The following DLGAP2 variants were observed in gnomAD, a reference collection of about 807,000 sequenced individuals.
The protein encoded by DLGAP2 is disks large-associated protein 2.
Under a neutral mutation model 100.3 loss-of-function variants are expected in DLGAP2, and 26 were observed. That is an observed-to-expected ratio of 0.26 (90% CI 0.19 to 0.36). The LOEUF (loss-of-function observed/expected upper bound fraction) is 0.36. Ranked by LOEUF, DLGAP2 falls within the 10% of genes least tolerant of loss-of-function variation. The probability of loss-of-function intolerance (pLI) is 1.00; values close to 1 mark genes in which losing one functional copy is unlikely to be tolerated. For synonymous variants in DLGAP2, 886 were observed against 630.1 expected, an observed-to-expected ratio of 1.41 and a Z score of -6.08; for missense variants, 1,858 against 1,453.2, an observed-to-expected ratio of 1.28 and a Z score of -4.53.
chr8:1,346,077 T>C (rs928966570), intron 3 of DLGAP2, among the ~76,000 whole-genome samples: 3 of 152,142 alleles, frequency 2.0e-5, no homozygotes, highest in African/African-American at 7.2e-5. Context: ...TGAGTGGAGG[T>C]TGAGTGCCCG....
chr8:1,075,130 A>G (rs1331785816), intron 2 of DLGAP2, among the ~76,000 whole-genome samples: 1 of 152,212 alleles, frequency 6.6e-6, no homozygotes, highest in Non-Finnish European at 1.5e-5. Flanking sequence ...CCTCAGACTC[A>G]ATGGAGTTCA....
At chr8:1,249,984 G>A (rs1027009829) in intron 2 of DLGAP2, among the ~76,000 whole-genome samples, 18 of 152,270 alleles carry the variant, frequency 1.2e-4, no homozygotes, top group African/African-American at 3.6e-4. Context: ...AGGTTCAAGT[G>A]ATTGTTCTGC....
chr8:1,368,301 G>A (rs763355301), intron 3 of DLGAP2, among the ~76,000 whole-genome samples: 10 of 151,870 alleles, frequency 6.6e-5, no homozygotes, highest in Non-Finnish European at 1.2e-4. Context: ...TTATGTGTAT[G>A]TGCATGTGCA....
At chr8:1,079,590 A>G (rs1289826686) in intron 2 of DLGAP2, among the ~76,000 whole-genome samples, 2 of 152,206 alleles carry the variant, frequency 1.3e-5, no homozygotes, top group Non-Finnish European at 2.9e-5. Flanking sequence ...AATAAGTTCT[A>G]ATGGTCATGT....
At chr8:1,486,447 C>G (rs892314849) in intron 3 of DLGAP2, among the ~76,000 whole-genome samples, 3 of 152,136 alleles carry the variant, frequency 2.0e-5, no homozygotes, top group Admixed American at 6.5e-5. Flanking sequence ...GTGGCACGTG[C>G]GAAGCCTGTC....
At chr8:1,112,183 C>T (rs1413352079) in intron 2 of DLGAP2, among the ~76,000 whole-genome samples, 1 of 149,774 alleles carries the variant, frequency 6.7e-6, no homozygotes, top group Non-Finnish European at 1.5e-5. Flanking sequence ...TTTTCATATG[C>T]TTCTTGGCCA....
intron 2 of DLGAP2, among the ~76,000 whole-genome samples, chr8:1,207,530 C>T (rs570641482): frequency 6.6e-6 from 1 of 152,304 alleles, no homozygotes; most frequent in Non-Finnish European, 1.5e-5. Context: ...AATACACATG[C>T]ATGTGCAAGG....
intron 3 of DLGAP2, among the ~76,000 whole-genome samples, chr8:1,425,139 G>T (rs2129952600): frequency 6.6e-6 from 1 of 152,228 alleles, no homozygotes; most frequent in African/African-American, 2.4e-5. Context: ...TTCAGCACTG[G>T]GTGATATAAG....
chr8:1,091,872 G>T (rs967077403), intron 2 of DLGAP2, among the ~76,000 whole-genome samples: 1 of 151,160 alleles, frequency 6.6e-6, no homozygotes, highest in Admixed American at 6.6e-5. Context: ...TCTTTCGCTC[G>T]TTCTGCTTTT....
At chr8:1,571,963 TG>T (rs1462996034) in intron 6 of DLGAP2, among the ~76,000 whole-genome samples, 5 of 96,704 alleles carry the variant, frequency 5.2e-5, no homozygotes, top group East Asian at 3.5e-4. Context: ...GGGTGAACTG[TG>T]GGGGCGTCTG....
At chr8:1,534,034 A>G (rs1584899588) in intron 4 of DLGAP2, among the ~76,000 whole-genome samples, 2 of 152,246 alleles carry the variant, frequency 1.3e-5, no homozygotes, top group Non-Finnish European at 2.9e-5. Flanking sequence ...ATGTTTTAAA[A>G]CAAGCATTCT....
chr8:1,257,435 A>ACCCCCC (rs1342751597), intron 2 of DLGAP2, among the ~76,000 whole-genome samples: 1 of 121,712 alleles, frequency 8.2e-6, no homozygotes, highest in South Asian at 2.9e-4. Flanking sequence ...CTGCCCCTCC[A>ACCCCCC]CCCCCCCGCC....
intron 12 of DLGAP2, among the ~76,000 whole-genome samples, chr8:1,683,866 G>A (rs774074003): frequency 0.074 from 6,174 of 82,978 alleles, 468 homozygotes; most frequent in African/African-American, 0.16. Flanking sequence ...ATGTGTGTGT[G>A]TGTGTGTGTG....
At chr8:1,219,904 G>T (rs1269223892) in intron 2 of DLGAP2, among the ~76,000 whole-genome samples, 2 of 151,976 alleles carry the variant, frequency 1.3e-5, no homozygotes, top group Non-Finnish European at 2.9e-5. Context: ...GTGCATAGTG[G>T]TGTTAGTAAT....
At chr8:1,068,088 C>G (rs1803312919) in intron 2 of DLGAP2, among the ~76,000 whole-genome samples, 1 of 152,232 alleles carries the variant, frequency 6.6e-6, no homozygotes, top group African/African-American at 2.4e-5. Flanking sequence ...GCTTCGTTCA[C>G]TTTGTAATGT....
chr8:848,187 G>A (rs1025202275), intron 1 of DLGAP2, among the ~76,000 whole-genome samples: 1 of 152,202 alleles, frequency 6.6e-6, no homozygotes, highest in African/African-American at 2.4e-5. Context: ...CAGTTCGCAC[G>A]ATGTATTATA....
At chr8:1,076,257 G>A (rs1413051399) in intron 2 of DLGAP2, among the ~76,000 whole-genome samples, 2 of 152,174 alleles carry the variant, frequency 1.3e-5, no homozygotes, top group African/African-American at 4.8e-5. Context: ...AGCCTATACC[G>A]CGTGCTGGTG....
chr8:1,580,293 G>T (rs1201648074), intron 6 of DLGAP2, among the ~76,000 whole-genome samples: 3 of 152,158 alleles, frequency 2.0e-5, no homozygotes, highest in Non-Finnish European at 4.4e-5. Context: ...CTAAGAAAGA[G>T]GCAGAGGGAA....
intron 2 of DLGAP2, among the ~76,000 whole-genome samples, chr8:1,041,120 T>C (rs1275380375): frequency 6.6e-6 from 1 of 152,168 alleles, no homozygotes; most frequent in Non-Finnish European, 1.5e-5. Context: ...TCCTCGGCAA[T>C]GGATATGGTT....
Sources: allele counts gnomAD v4.1 joint callset (sites outside exome capture counted in the v4.1 genomes callset), GRCh38; gene constraint gnomAD v4.1.1; transcripts MANE v1.5; gene names NCBI Gene and HGNC (gene_info 2026-07-23, HGNC 2026-07-21).